The following SYMPK variants were observed in gnomAD, a reference collection of about 807,000 sequenced individuals.
SYMPK encodes symplekin scaffold protein.
Under a neutral mutation model 136.4 loss-of-function variants are expected in SYMPK, and 49 were observed. That is an observed-to-expected ratio of 0.36 (90% CI 0.29 to 0.46). The LOEUF (loss-of-function observed/expected upper bound fraction) is 0.46. SYMPK is among the 20% of genes least tolerant of loss of function. The probability of loss-of-function intolerance (pLI) is 1.00; values close to 1 mark genes in which losing one functional copy is unlikely to be tolerated. For missense variants in SYMPK, 1,365 were observed against 1,690.0 expected (o/e 0.81, Z 3.37); for synonymous variants, 766 against 713.0 (o/e 1.07, Z -1.19).
In SYMPK at chr19:45,815,516, C is replaced by T. The variant is rs1181962520; in HGVS notation, c.*44G>A. On this transcript the variant is annotated 3_prime_UTR_variant, in exon 27 of 27. Coordinates refer to ENST00000245934, the MANE Select transcript of SYMPK (RefSeq NM_004819.3). ...GCAGGTCAAGCCCCGCCCCGTCCCCCAGCCCCGAGTCCCTGTCCCACCCCC... is the reference window on the plus strand; with the variant it reads ...GCAGGTCAAGCCCCGCCCCGTCCCCTAGCCCCGAGTCCCTGTCCCACCCCC... 1 of 1,333,014 alleles carries T rather than the reference C, an allele frequency of 7.5e-7. No homozygotes were observed. Among genetic ancestry groups the T allele is most frequent in the Non-Finnish European group, 1.0e-6 (1 of 991,516 alleles). The allele number at this position is 1,333,014 out of a possible 1,614,324, so 82.6% of individuals were successfully genotyped here. A position where few individuals can be genotyped will look rare whatever the true frequency, so the allele number is the denominator to read the frequency against.
chr19:45,818,229 C>T, intron 22 of SYMPK, 83 bp from the exon 23 acceptor site: 1 of 1,378,108 alleles, frequency 7.3e-7, no homozygotes, highest in Non-Finnish European at 9.7e-7. Flanking sequence ...GCTGTCTGCC[C>T]ATGTGAGGGG....
At chr19:45,832,393 C>A (rs901043272) in intron 11 of SYMPK, among the ~76,000 whole-genome samples, 14 of 151,560 alleles carry the variant, frequency 9.2e-5, no homozygotes, top group Non-Finnish European at 1.6e-4. Flanking sequence ...CCACCCGCCT[C>A]AGCCTCCCAA....
At position 45,827,573 on chromosome 19, in the gene SYMPK, G is replaced by T; in HGVS notation, c.2118C>A (p.Arg706=). Residue 706 remains arginine, a synonymous_variant, in exon 16 of 27, where the codon CGC becomes CGA. Coordinates refer to ENST00000245934, the MANE Select transcript of SYMPK (RefSeq NM_004819.3). The part of the protein sequence containing the change: ...MSTLRDLIFK[R]PSRQFQYLHV... ...GCAGGTACTGGAACTGGCGGGACGG[G>T]CGCTTGAAGATCAGGTCTCGAAGTG... 1 of 1,614,188 alleles carries T rather than the reference G, an allele frequency of 6.2e-7. No individual in the cohort carries two copies. The highest frequency in any genetic ancestry group is 8.5e-7 in the Non-Finnish European group (1 of 1,180,026).
rs1466959686 is a variant in SYMPK, at chr19:45,842,339, G to A, written c.998C>T (p.Ala333Val). 2 of 1,614,196 alleles carry A rather than the reference G, an allele frequency of 1.2e-6. No homozygotes were observed. The highest frequency in any genetic ancestry group is 1.7e-6 in the Non-Finnish European group (2 of 1,180,036). The change falls in exon 9 of 27, where the codon GCC (alanine) becomes GTC (valine). Residue 333 changes from alanine to valine, a missense_variant. Coordinates refer to ENST00000245934, the MANE Select transcript of SYMPK (RefSeq NM_004819.3). ...TLLVDLGTPQ[A>V]EIARNMPSSK... The stretch of plus-strand genomic sequence containing the variant: ...GCTCGGCATGTTGCGGGCGATCTCG[G>A]CCTGAGGTGTGCCCAGGTCCACCAG...
intron 5 of SYMPK, among the ~76,000 whole-genome samples, chr19:45,851,284 A>T (rs1052072210): frequency 6.6e-6 from 1 of 152,170 alleles, no homozygotes; most frequent in African/African-American, 2.4e-5. Context: ...ACTTTAAAAT[A>T]GCTGATTTTT....
At chr19:45,816,439 T>A in intron 25 of SYMPK, 43 bp downstream of exon 25, 1 of 1,575,280 alleles carries the variant, frequency 6.3e-7, no homozygotes, top group Non-Finnish European at 8.6e-7. Context: ...GGGTAGGGGG[T>A]GGGAGTCTGG....
At chr19:45,851,831 G>A (rs1390968874) in intron 5 of SYMPK, among the ~76,000 whole-genome samples, 10 of 152,110 alleles carry the variant, frequency 6.6e-5, no homozygotes, top group East Asian at 1.9e-4. Flanking sequence ...CCGAGATTGC[G>A]CCACTGCACT....
chr19:45,830,431 G>T (rs901716099), intron 12 of SYMPK: 4 of 541,952 alleles, frequency 7.4e-6, no homozygotes, highest in Non-Finnish European at 1.3e-5. Context: ...AGGCTTCTGT[G>T]AGTGGGGATC....
chr19:45,858,033 A>C (rs1219177291), intron 1 of SYMPK, among the ~76,000 whole-genome samples: 1 of 150,992 alleles, frequency 6.6e-6, no homozygotes, highest in Admixed American at 6.6e-5. Context: ...TCCTGACCTC[A>C]GGTGATCTGC....
intron 10 of SYMPK, among the ~76,000 whole-genome samples, chr19:45,837,758 G>A (rs750062699): frequency 9.2e-5 from 14 of 152,104 alleles, no homozygotes; most frequent in Non-Finnish European, 1.8e-4. Flanking sequence ...GAAAAGGGTG[G>A]GCCTGGCCCA....
chr19:45,836,505 C>T (rs112509224), intron 10 of SYMPK, among the ~76,000 whole-genome samples: 1 of 151,740 alleles, frequency 6.6e-6, no homozygotes, highest in Non-Finnish European at 1.5e-5. Flanking sequence ...GTGGCAGGCA[C>T]CTGTAGTCCC....
At position 45,815,635 on chromosome 19, in the gene SYMPK, A is replaced by C; in HGVS notation, c.3750T>G (p.Val1250=). 6.2e-7 allele frequency: 1 copy of C among 1,606,400 alleles called. No individual in the cohort carries two copies. The highest frequency in any genetic ancestry group is 1.1e-5 in the South Asian group (1 of 90,360). ...TGGGAGTCTTCATAGCATCTTCTCCAACAGGTGCGAGGGTCTGGGGGCTCC... is the reference window on the plus strand; with the variant it reads ...TGGGAGTCTTCATAGCATCTTCTCCCACAGGTGCGAGGGTCTGGGGGCTCC... ...EERSPQTLAP[V]GEDAMKTPSP... Residue 1250 remains valine (V), a synonymous_variant, in exon 27 of 27, where the codon GTT becomes GTG. Coordinates refer to ENST00000245934, the MANE Select transcript of SYMPK (RefSeq NM_004819.3).
chr19:45,835,063 C>A lies in SYMPK; in HGVS notation c.1393+15G>T. On this transcript the variant is annotated intron_variant, in intron 11 of 26. Coordinates refer to ENST00000245934, the MANE Select transcript of SYMPK (RefSeq NM_004819.3). ...TGCCAATCCCTGGCCCAGGTTAGGG[C>A]CAGGACACACTCACCTGGTCCCAGT... 3 of 1,569,726 alleles carry A rather than the reference C, an allele frequency of 1.9e-6. No homozygotes were observed. The highest frequency in any genetic ancestry group is 2.6e-6 in the Non-Finnish European group (3 of 1,156,848).
rs772951782 is a variant in SYMPK at position 45,831,444 on chromosome 19, T to G, written c.1538A>C (p.Glu513Ala). The change falls in exon 12 of 27, where the codon GAG becomes GCG. Residue 513 changes from glutamate to alanine, a missense_variant. Glu to Ala is a moderately radical substitution (Grantham distance 107). Around this residue, in one of 11 missense-constraint regions of SYMPK, gnomAD observed 303 missense variants for 326.6 expected, o/e 0.93. Transcript: ENST00000245934. ...VGSLSSMSPL[E>A]EEAPQAKRRP... Reference sequence around the variant, plus strand: ...CCTCTTGGCCTGCGGTGCCTCTTCCTCCAGGGGGGACATGGAGCTCAGGGA... The same window carrying G: ...CCTCTTGGCCTGCGGTGCCTCTTCCGCCAGGGGGGACATGGAGCTCAGGGA... 28 of 1,607,226 alleles carry G rather than the reference T, an allele frequency of 1.7e-5. No homozygotes were observed. Among genetic ancestry groups the G allele is most frequent in the Non-Finnish European group, 2.2e-5 (26 of 1,177,118 alleles).
At position 45,815,606 on chromosome 19, in the gene SYMPK, G is replaced by A. The variant is rs145662570; in HGVS notation, c.3779C>T (p.Pro1260Leu). The A allele has an allele frequency of 5.4e-6, 8 of 1,488,090 alleles. No individual in the cohort carries two copies. The African/African-American group carries it at 5.9e-5, about 11-fold the overall frequency. 92.2% of individuals were successfully genotyped at this position (1,488,090 alleles called of 1,614,324 possible). A position where few individuals can be genotyped will look rare whatever the true frequency, so the allele number is the denominator to read the frequency against. The change falls in exon 27 of 27, where the codon CCG becomes CTG. Residue 1260 changes from proline (P) to leucine (L), a missense_variant. Pro to Leu is a moderately conservative substitution (Grantham distance 98). Transcript: ENST00000245934. Reference protein sequence around the residue: ...VGEDAMKTPSPAAEDAREPEA... With the variant: ...VGEDAMKTPSLAAEDAREPEA... ...GGGTTCCCTGGCGTCCTCGGCAGCC[G>A]GGCTGGGAGTCTTCATAGCATCTTC...
At chr19:45,842,836 C>A (rs1971474464) in intron 8 of SYMPK, 3 of 263,094 alleles carry the variant, frequency 1.1e-5, no homozygotes, top group East Asian at 9.9e-5. Flanking sequence ...TGAACTGCTG[C>A]AACAGCTCAC....
At chr19:45,861,165 C>T (rs777832352) in intron 1 of SYMPK, among the ~76,000 whole-genome samples, 16 of 151,818 alleles carry the variant, frequency 1.1e-4, no homozygotes, top group African/African-American at 2.2e-4. Flanking sequence ...CCAGCCTGGG[C>T]GACAGAATGA....
intron 1 of SYMPK, among the ~76,000 whole-genome samples, chr19:45,859,838 T>C (rs967788310): frequency 6.7e-6 from 1 of 150,322 alleles, no homozygotes; most frequent in Non-Finnish European, 1.5e-5. Context: ...GGCCAGGAGT[T>C]TGAAACCAGC....
intron 17 of SYMPK, 99 bp from the exon 18 acceptor site, chr19:45,825,430 G>A: frequency 1.4e-6 from 2 of 1,425,548 alleles, no homozygotes; most frequent in Middle Eastern, 2.1e-4. Flanking sequence ...GCCGGGGAGG[G>A]CAGAGAAGGG....
Sources: gnomAD v4.1 joint callset for allele counts (sites outside exome capture counted in the v4.1 genomes callset) on GRCh38, gnomAD v4.1.1 for gene constraint, gnomAD v4.1.1 regional missense constraint, MANE v1.5 for transcripts, NCBI Gene and HGNC (gene_info 2026-07-23, HGNC 2026-07-21) for gene names.